The following HS3ST5 variants were observed in gnomAD, a reference collection of about 807,000 sequenced individuals.
HS3ST5 encodes the protein heparan sulfate-glucosamine 3-sulfotransferase 5.
In HS3ST5, 10 loss-of-function variants were observed where a neutral mutation model predicts 25.4. That is an observed-to-expected ratio of 0.39 (90% CI 0.24 to 0.67). The LOEUF (loss-of-function observed/expected upper bound fraction) is 0.67. Among genes scored for constraint, HS3ST5 ranks in the 30% least tolerant of loss-of-function variants. The pLI is 0.44. For missense variants in HS3ST5, 324 were observed against 420.7 expected (o/e 0.77, Z 2.01); for synonymous variants, 170 against 162.4 (o/e 1.05, Z -0.36).
At chr6:114,189,344 T>A (rs1375037569) in intron 2 of HS3ST5, among the ~76,000 whole-genome samples, 1 of 152,100 alleles carries the variant, frequency 6.6e-6, no homozygotes, top group Non-Finnish European at 1.5e-5. Flanking sequence ...TAAAATTTCC[T>A]AATAAATGTG....
chr6:114,319,627 T>C (rs901833748), intron 1 of HS3ST5, among the ~76,000 whole-genome samples: 4 of 152,184 alleles, frequency 2.6e-5, no homozygotes, highest in African/African-American at 9.6e-5. Flanking sequence ...CTTGCTTTTA[T>C]ACTTGACAGT....
chr6:114,255,804 C>A (rs1490254709), intron 1 of HS3ST5, among the ~76,000 whole-genome samples: 1 of 152,098 alleles, frequency 6.6e-6, no homozygotes, highest in Non-Finnish European at 1.5e-5. Context: ...TGCAGGGCAC[C>A]AAGTCTCTAG....
chr6:114,128,095 C>T lies in HS3ST5; in HGVS notation c.-33+40256G>A, dbSNP rs117900847. 3.2e-4 allele frequency among the ~76,000 whole-genome samples: 49 copies of T among 152,180 alleles called. 1 individual carries two copies. The East Asian group carries it at 9.5e-3, about 29-fold the overall frequency. On this transcript the variant is annotated intron_variant, in intron 3 of 4. Coordinates refer to ENST00000312719, the MANE Select transcript of HS3ST5 (RefSeq NM_153612.4). ...AGACTATACCCTGAACTCACTAAATCAGCATCTCTTGAACAAAGACCTGAG... is the reference window on the plus strand; with the variant it reads ...AGACTATACCCTGAACTCACTAAATTAGCATCTCTTGAACAAAGACCTGAG...
At chr6:114,188,247 C>G (rs1305416933) in intron 2 of HS3ST5, among the ~76,000 whole-genome samples, 1 of 148,532 alleles carries the variant, frequency 6.7e-6, no homozygotes, top group African/African-American at 2.5e-5. Flanking sequence ...ATGTCACTCT[C>G]TCAGGGAAAA....
At chr6:114,160,971 A>G (rs1391494961) in intron 3 of HS3ST5, among the ~76,000 whole-genome samples, 2 of 152,204 alleles carry the variant, frequency 1.3e-5, no homozygotes, top group Admixed American at 1.3e-4. Context: ...TAAAAGTATT[A>G]ATTTCTACTC....
At chr6:114,321,780 G>A (rs1775980663) in intron 1 of HS3ST5, among the ~76,000 whole-genome samples, 1 of 151,978 alleles carries the variant, frequency 6.6e-6, no homozygotes, top group Non-Finnish European at 1.5e-5. Context: ...ACATATATCT[G>A]TGTCTGGCAT....
intron 2 of HS3ST5, among the ~76,000 whole-genome samples, chr6:114,214,713 TAGAC>T (rs1457958794): frequency 6.6e-6 from 1 of 152,192 alleles, no homozygotes; most frequent in African/African-American, 2.4e-5. Context: ...AATTATAAAA[TAGAC>T]AGCTCTCTTT....
chr6:114,101,498 C>A (rs1361440543), intron 3 of HS3ST5, among the ~76,000 whole-genome samples: 1 of 152,018 alleles, frequency 6.6e-6, no homozygotes, highest in Non-Finnish European at 1.5e-5. Flanking sequence ...ATTTACAGTG[C>A]CTGTGGGTAT....
At chr6:114,172,714 G>C (rs924024877) in intron 2 of HS3ST5, among the ~76,000 whole-genome samples, 1 of 152,178 alleles carries the variant, frequency 6.6e-6, no homozygotes, top group African/African-American at 2.4e-5. Context: ...TCATCTGTCA[G>C]ACAGTGAAAT....
intron 3 of HS3ST5, among the ~76,000 whole-genome samples, chr6:114,097,516 A>G (rs1278951402): frequency 2.6e-5 from 4 of 151,924 alleles, no homozygotes; most frequent in African/African-American, 9.7e-5. Flanking sequence ...GCTTTCAAAT[A>G]TGTTCCAATT....
intron 2 of HS3ST5, among the ~76,000 whole-genome samples, chr6:114,202,719 A>C (rs1210213623): frequency 6.6e-6 from 1 of 152,194 alleles, no homozygotes; most frequent in Admixed American, 6.5e-5. Context: ...AGAGTAATGA[A>C]GCAGACATTT....
intron 3 of HS3ST5, among the ~76,000 whole-genome samples, chr6:114,151,293 C>A (rs1778441324): frequency 6.6e-6 from 1 of 152,100 alleles, no homozygotes; most frequent in Non-Finnish European, 1.5e-5. Context: ...GTTCTTTGAT[C>A]TTTGTTGCTA....
intron 1 of HS3ST5, among the ~76,000 whole-genome samples, chr6:114,319,218 T>C (rs1193623723): frequency 6.6e-6 from 1 of 152,210 alleles, no homozygotes; most frequent in Non-Finnish European, 1.5e-5. Context: ...TTTTCTTAAT[T>C]AATACATTTC....
intron 4 of HS3ST5, among the ~76,000 whole-genome samples, chr6:114,061,130 T>TA (rs1225505620): frequency 6.6e-6 from 1 of 152,068 alleles, no homozygotes; most frequent in Non-Finnish European, 1.5e-5. Context: ...GAGACAGAGT[T>TA]AAAAAAATGA....
In HS3ST5 at chr6:114,074,922, A is replaced by G. The variant is rs555270736; in HGVS notation, c.-32-12045T>C. 2.0e-5 allele frequency among the ~76,000 whole-genome samples: 3 copies of G among 152,262 alleles called. No homozygotes were observed. The South Asian group carries it at 6.2e-4, about 32-fold the overall frequency. ...AAATTAGCATTCTTAACATGCTTCAAAACTTTTTTTCTTTTTATTGCCAGA... is the reference window on the plus strand; with the variant it reads ...AAATTAGCATTCTTAACATGCTTCAGAACTTTTTTTCTTTTTATTGCCAGA... On this transcript the variant is annotated intron_variant, in intron 3 of 4. Transcript: ENST00000312719.
chr6:114,300,616 T>C lies in HS3ST5; in HGVS notation c.-339+41579A>G, dbSNP rs1414952423. On this transcript the variant is annotated intron_variant, in intron 1 of 4. Coordinates refer to ENST00000312719, the MANE Select transcript of HS3ST5 (RefSeq NM_153612.4). ...TGTGAATTCCTCAACACACAAAACATAGGGTTGCCATATGACCCAGCAATT... is the reference window on the plus strand; with the variant it reads ...TGTGAATTCCTCAACACACAAAACACAGGGTTGCCATATGACCCAGCAATT... Among the ~76,000 whole-genome samples the C allele has an allele frequency of 2.0e-5, 3 of 152,082 alleles. No homozygotes were observed. The East Asian group carries it at 5.8e-4, about 29-fold the overall frequency.
intron 3 of HS3ST5, among the ~76,000 whole-genome samples, chr6:114,129,234 A>T (rs1004263250): frequency 3.4e-5 from 5 of 147,842 alleles, no homozygotes; most frequent in African/African-American, 1.2e-4. Context: ...ATTGAGACAC[A>T]CACCTGCAAC....
intron 1 of HS3ST5, among the ~76,000 whole-genome samples, chr6:114,308,088 T>G (rs928518433): frequency 2.6e-5 from 4 of 152,140 alleles, no homozygotes; most frequent in African/African-American, 9.7e-5. Context: ...AATAGACTAC[T>G]CTTCAAGAAA....
chr6:114,289,444 C>A (rs193073676), intron 1 of HS3ST5, among the ~76,000 whole-genome samples: 1 of 152,038 alleles, frequency 6.6e-6, no homozygotes, highest in African/African-American at 2.4e-5. Flanking sequence ...GACATCCCAC[C>A]AATTATCTTC....
Sources: gnomAD v4.1 joint callset for allele counts (sites outside exome capture counted in the v4.1 genomes callset) on GRCh38, gnomAD v4.1.1 for gene constraint, MANE v1.5 for transcripts, NCBI Gene and HGNC (gene_info 2026-07-23, HGNC 2026-07-21) for gene names.